CUL1: variants seen among roughly 807,000 people sequenced by gnomAD.
The protein encoded by CUL1 is cullin-1.
Under a neutral mutation model 118.0 loss-of-function variants are expected in CUL1, and 24 were observed. That is an observed-to-expected ratio of 0.20 (90% CI 0.15 to 0.29). The LOEUF (loss-of-function observed/expected upper bound fraction) is 0.29. Ranked by LOEUF, CUL1 falls within the 10% of genes least tolerant of loss-of-function variation. The pLI is 1.00. For synonymous variants in CUL1, 332 were observed against 340.4 expected, an observed-to-expected ratio of 0.98 and a Z score of 0.27; for missense variants, 361 against 933.8, an observed-to-expected ratio of 0.39 and a Z score of 7.99.
Position 148,766,588 on chromosome 7 carries a change from C to T in CUL1, c.817C>T (p.Arg273Ter). ...AGAGGCTCGTCTGCTTGAGGAACAA[C>T]GAAGAGTTCAGGTTTACCTTCATGA... ...KAEARLLEEQ[R>*]RVQVYLHEST... The change falls in exon 8 of 22, where the codon CGA becomes TGA. Residue 273 changes from arginine to a stop codon, truncating the protein, a stop_gained. Coordinates refer to ENST00000325222, the MANE Select transcript of CUL1 (RefSeq NM_003592.3). LOFTEE classifies it high-confidence loss of function. 1 of 1,610,394 alleles carries T rather than the reference C, an allele frequency of 6.2e-7. No homozygotes were observed. Among genetic ancestry groups the T allele is most frequent in the Non-Finnish European group, 8.5e-7 (1 of 1,178,772 alleles).
intron 8 of CUL1, 55 bp downstream of exon 8, chr7:148,766,778 AT>A (rs1240536168): frequency 1.4e-6 from 2 of 1,435,264 alleles, no homozygotes; most frequent in Admixed American, 2.0e-5. Context: ...TAGTTTTGAT[AT>A]TGCTTTTGAT....
At chr7:148,767,579 A>G (rs1456263947) in intron 8 of CUL1, 40 bp from the exon 9 acceptor site, 5 of 1,598,812 alleles carry the variant, frequency 3.1e-6, no homozygotes, top group African/African-American at 1.3e-5. Flanking sequence ...GATATGCAAA[A>G]TTTTTTTCAG....
At chr7:148,757,245 T>A in intron 4 of CUL1, 95 bp downstream of exon 4, 1 of 711,940 alleles carries the variant, frequency 1.4e-6, no homozygotes, top group Non-Finnish European at 2.0e-6. Context: ...AGGCAAATAT[T>A]AAGCTTTTTT....
chr7:148,786,439 A>C, intron 11 of CUL1, 112 bp from the exon 12 acceptor site: 1 of 816,860 alleles, frequency 1.2e-6, no homozygotes, highest in South Asian at 1.6e-5. Flanking sequence ...CTTCCTCTGC[A>C]CTAATCTGAT....
At chr7:148,761,659 A>C (rs1240782191) in intron 7 of CUL1, among the ~76,000 whole-genome samples, 1 of 152,214 alleles carries the variant, frequency 6.6e-6, no homozygotes, top group East Asian at 1.9e-4. Flanking sequence ...CAGCTGTTCA[A>C]CTCTGCCATT....
rs537099904 is a variant in CUL1, at chr7:148,800,068, C to T, written c.2251-434C>T. Among the ~76,000 whole-genome samples the T allele has an allele frequency of 1.7e-3, 264 of 152,308 alleles. No homozygotes were observed. Among genetic ancestry groups the T allele is most frequent in the African/African-American group, 6.2e-3 (257 of 41,562 alleles). ...TGACTTCCCCAACAGGCAGGAGGCC[C>T]AGTGTCCCTCCTGGGTTACATTTGG... On this transcript the variant is annotated intron_variant, in intron 21 of 21. Coordinates refer to ENST00000325222, the MANE Select transcript of CUL1 (RefSeq NM_003592.3). The surrounding 1 kb of genome is among the most constrained non-coding windows in gnomAD (Gnocchi z 4.6).
At position 148,800,417 on chromosome 7, in the gene CUL1, G is replaced by T. The variant is rs539279817; in HGVS notation, c.2251-85G>T. 190 of 1,075,910 alleles carry T rather than the reference G, an allele frequency of 1.8e-4. No homozygotes were observed. The highest frequency in any genetic ancestry group is 4.7e-5 in the African/African-American group (3 of 64,264). 66.6% of individuals were successfully genotyped at this position (1,075,910 alleles called of 1,614,324 possible). On this transcript the variant is annotated intron_variant, in intron 21 of 21. Coordinates refer to ENST00000325222, the MANE Select transcript of CUL1 (RefSeq NM_003592.3). This position sits in a 1 kb window ranked among gnomAD's most constrained non-coding sequence, Gnocchi z 4.6. ...AGCTCCGAATCAGGGGAGATTTGTG[G>T]TGGGGGCAGCCTCTCTCTGTTCTGA...
chr7:148,742,635 C>T (rs1416437606), intron 2 of CUL1, among the ~76,000 whole-genome samples: 2 of 126,742 alleles, frequency 1.6e-5, no homozygotes, highest in East Asian at 2.6e-4. Flanking sequence ...GTCTCACTCA[C>T]TCTGTTGCCC....
intron 1 of CUL1, among the ~76,000 whole-genome samples, chr7:148,725,617 C>G (rs528147055): frequency 1.3e-5 from 2 of 152,202 alleles, no homozygotes; most frequent in Non-Finnish European, 2.9e-5. Flanking sequence ...CCACCCAAGC[C>G]AGGTCTCAGC....
intron 2 of CUL1, among the ~76,000 whole-genome samples, 193 bp downstream of exon 2, chr7:148,730,455 C>T (rs1370014642): frequency 6.6e-6 from 1 of 152,100 alleles, no homozygotes; most frequent in Admixed American, 6.6e-5. Context: ...CAGCACTGGG[C>T]AGTACAGTCA....
At chr7:148,713,866 G>GGT (rs1798127322) in intron 1 of CUL1, among the ~76,000 whole-genome samples, 1 of 152,160 alleles carries the variant, frequency 6.6e-6, no homozygotes, top group African/African-American at 2.4e-5. Flanking sequence ...TGTGACTACA[G>GGT]GTGTGTGCCA....
intron 1 of CUL1, among the ~76,000 whole-genome samples, chr7:148,704,270 A>C (rs890774505): frequency 1.3e-5 from 2 of 151,890 alleles, no homozygotes; most frequent in Non-Finnish European, 2.9e-5. Flanking sequence ...AATGCAAATC[A>C]GTGAGATACT....
chr7:148,725,239 A>G (rs1233663831), intron 1 of CUL1, among the ~76,000 whole-genome samples: 4 of 151,864 alleles, frequency 2.6e-5, no homozygotes, highest in African/African-American at 7.3e-5. Flanking sequence ...ACACACACAC[A>G]CACACACACC....
intron 2 of CUL1, among the ~76,000 whole-genome samples, chr7:148,752,803 C>G (rs1223827449): frequency 6.6e-6 from 1 of 152,156 alleles, no homozygotes; most frequent in Non-Finnish European, 1.5e-5. Context: ...CGCCTGCCAC[C>G]ACGCCCGGCT....
rs1798895409 is a variant in CUL1, at chr7:148,735,094, T to G, written c.140+4832T>G. ...TATTTGAGAATGAGATTGGTTGATT[T>G]GAGAATCATTCATTCATATTTGAGA... On this transcript the variant is annotated intron_variant, in intron 2 of 21. Coordinates refer to ENST00000325222, the MANE Select transcript of CUL1 (RefSeq NM_003592.3). Among the ~76,000 whole-genome samples, 2 of 152,226 alleles carry G rather than the reference T, an allele frequency of 1.3e-5. 1 individual carries two copies. Among genetic ancestry groups the G allele is most frequent in the South Asian group, 4.1e-4 (2 of 4,828 alleles).
rs1800873746 is a variant in CUL1, at chr7:148,787,946, A to T, written c.1480-611A>T. Among the ~76,000 whole-genome samples the T allele has an allele frequency of 6.6e-6, 1 of 152,224 alleles. No homozygotes were observed. Among genetic ancestry groups the T allele is most frequent in the South Asian group, 2.1e-4 (1 of 4,836 alleles). On this transcript the variant is annotated intron_variant, in intron 13 of 21. Coordinates refer to ENST00000325222, the MANE Select transcript of CUL1 (RefSeq NM_003592.3). The surrounding 1 kb of genome is among the most constrained non-coding windows in gnomAD (Gnocchi z 5.5). ...CTGCCATGACGGAATACCATAGACC[A>T]GGTAGCTTAAACAACAGAAATAGTT...
intron 2 of CUL1, among the ~76,000 whole-genome samples, chr7:148,744,936 T>A (rs1799262068): frequency 6.6e-6 from 1 of 152,218 alleles, no homozygotes. Context: ...TATTGCACTG[T>A]CTTCTGGCCT....
At chr7:148,706,951 G>A (rs922628064) in intron 1 of CUL1, among the ~76,000 whole-genome samples, 3 of 152,090 alleles carry the variant, frequency 2.0e-5, no homozygotes, top group Admixed American at 1.3e-4. Flanking sequence ...GAAATGCCAG[G>A]TGGCATATTG....
intron 21 of CUL1, 91 bp downstream of exon 21, chr7:148,799,479 G>A (rs895657609): frequency 8.2e-6 from 7 of 849,610 alleles, no homozygotes; most frequent in Non-Finnish European, 1.3e-5. Context: ...TAGCATGAAG[G>A]AGGAGGGAGC....
Sources: gnomAD v4.1 joint callset for allele counts (sites outside exome capture counted in the v4.1 genomes callset) on GRCh38, gnomAD v4.1.1 for gene constraint, Gnocchi (gnomAD v3.1) non-coding constraint, MANE v1.5 for transcripts, NCBI Gene and HGNC (gene_info 2026-07-23, HGNC 2026-07-21) for gene names.